The following KANK1 variants were observed in gnomAD, a reference collection of about 807,000 sequenced individuals.
KANK1 encodes KN motif and ankyrin repeat domain-containing protein 1.
KANK1 carries 109 observed loss-of-function variants against 106.2 expected under a neutral mutation model. That is an observed-to-expected ratio of 1.03 (90% CI 0.88 to 1.20). The LOEUF (loss-of-function observed/expected upper bound fraction) is 1.20, where lower values mean the gene tolerates loss of function less well. KANK1 is among the 50% of genes most tolerant of loss of function. The pLI, the probability that KANK1 is intolerant of heterozygous loss-of-function variation, is 0.00. For synonymous variants in KANK1, 873 were observed against 652.2 expected, an observed-to-expected ratio of 1.34 and a Z score of -5.16; for missense variants, 2,399 against 1,710.7, an observed-to-expected ratio of 1.40 and a Z score of -7.10.
chr9:663,822 C>T (rs367663435), intron 1 of KANK1, among the ~76,000 whole-genome samples: 24 of 152,256 alleles, frequency 1.6e-4, no homozygotes, highest in African/African-American at 5.1e-4. Flanking sequence ...CTTGTGTACA[C>T]TCTTGGAAAG....
chr9:740,436 T>C (rs1446318165), intron 8 of KANK1, among the ~76,000 whole-genome samples: 1 of 152,200 alleles, frequency 6.6e-6, no homozygotes, highest in East Asian at 1.9e-4. Flanking sequence ...TGCTTCACTT[T>C]CCTAAACACA....
chr9:712,415 C>T lies in KANK1; in HGVS notation c.1649C>T (p.Ser550Phe). 2 of 1,614,158 alleles carry T rather than the reference C, an allele frequency of 1.2e-6. No homozygotes were observed. Among genetic ancestry groups the T allele is most frequent in the Non-Finnish European group, 1.7e-6 (2 of 1,180,030 alleles). The change falls in exon 3 of 12, where the codon TCC becomes TTC. Residue 550 changes from serine (S) to phenylalanine (F), a missense_variant. Coordinates refer to ENST00000382297, the MANE Select transcript of KANK1 (RefSeq NM_015158.5). ...TSVETNSVGI[S>F]CQPECKNKVV... The stretch of plus-strand genomic sequence containing the variant: ...GTGGAAACAAACAGTGTAGGCATCT[C>T]CTGCCAGCCTGAATGTAAGAATAAA...
At chr9:528,826 G>T (rs562170025) in intron 1 of KANK1, among the ~76,000 whole-genome samples, 2 of 151,904 alleles carry the variant, frequency 1.3e-5, no homozygotes, top group Non-Finnish European at 2.9e-5. Context: ...TTTGAGGCAG[G>T]ATCTTATTTG....
intron 1 of KANK1, among the ~76,000 whole-genome samples, chr9:595,985 A>G (rs184236596): frequency 6.6e-5 from 10 of 152,102 alleles, no homozygotes; most frequent in Non-Finnish European, 1.3e-4. Context: ...ATTTGCATAT[A>G]CATAATGAAA....
intron 1 of KANK1, among the ~76,000 whole-genome samples, chr9:621,179 C>G (rs1220452274): frequency 6.6e-6 from 1 of 152,092 alleles, no homozygotes; most frequent in Non-Finnish European, 1.5e-5. Context: ...GGGGCCTCAC[C>G]TAATAAAGGT....
intron 3 of KANK1, among the ~76,000 whole-genome samples, chr9:720,270 A>T (rs1426542501): frequency 1.3e-5 from 2 of 152,224 alleles, no homozygotes; most frequent in African/African-American, 4.8e-5. Flanking sequence ...AACCGTTGCC[A>T]CCTGGTGAGA....
chr9:654,135 A>G (rs6477082), intron 1 of KANK1, among the ~76,000 whole-genome samples: 58,645 of 151,758 alleles, frequency 0.39, 14,683 homozygotes, highest in African/African-American at 0.68. Context: ...TTTGAAAATG[A>G]CCACATGCAG....
intron 3 of KANK1, among the ~76,000 whole-genome samples, chr9:474,751 C>T (rs1338376429): frequency 2.6e-5 from 4 of 152,116 alleles, no homozygotes; most frequent in Admixed American, 2.6e-4. Flanking sequence ...AGGGGGAGAT[C>T]AGAGGATGAG....
At chr9:728,207 T>C (rs1161054380) in intron 3 of KANK1, among the ~76,000 whole-genome samples, 1 of 152,216 alleles carries the variant, frequency 6.6e-6, no homozygotes, top group Non-Finnish European at 1.5e-5. Context: ...TCTTTTGTTT[T>C]CTTGAGATGG....
At chr9:720,344 G>A (rs1828968455) in intron 3 of KANK1, among the ~76,000 whole-genome samples, 1 of 152,128 alleles carries the variant, frequency 6.6e-6, no homozygotes, top group Non-Finnish European at 1.5e-5. Flanking sequence ...TCCACATGTT[G>A]CTGTCGTTTT....
intron 1 of KANK1, among the ~76,000 whole-genome samples, chr9:532,364 CTTTTTTTTT>C (rs1187078952): frequency 3.7e-5 from 3 of 81,860 alleles, no homozygotes; most frequent in East Asian, 8.7e-4. Context: ...GCCTCAAGCA[CTTTTTTTTT>C]TTTTTTTTTT....
chr9:529,392 G>T (rs192948789), intron 1 of KANK1, among the ~76,000 whole-genome samples: 1 of 151,578 alleles, frequency 6.6e-6, no homozygotes, highest in East Asian at 2.0e-4. Context: ...GTAGAGATGG[G>T]CTTTCACCAT....
intron 1 of KANK1, among the ~76,000 whole-genome samples, chr9:646,149 A>G (rs1839624562): frequency 6.6e-6 from 1 of 150,704 alleles, no homozygotes; most frequent in Non-Finnish European, 1.5e-5. Context: ...TCTTCAGAAA[A>G]TAGGGATTAT....
chr9:710,474 C>T (rs1013947978), intron 2 of KANK1, among the ~76,000 whole-genome samples: 3 of 151,920 alleles, frequency 2.0e-5, no homozygotes, highest in Admixed American at 2.0e-4. Flanking sequence ...AAAAATTAGC[C>T]AGGCGTGGTG....
chr9:615,182 T>G (rs1450058542), intron 1 of KANK1, among the ~76,000 whole-genome samples: 2 of 152,196 alleles, frequency 1.3e-5, no homozygotes, highest in East Asian at 1.9e-4. Context: ...CAAGTCCTCC[T>G]GCATTGGCCT....
At chr9:736,731 A>C (rs889395747) in intron 7 of KANK1, among the ~76,000 whole-genome samples, 1 of 152,110 alleles carries the variant, frequency 6.6e-6, no homozygotes, top group South Asian at 2.1e-4. Context: ...AAGGGGAAAC[A>C]TAGAACTACA....
chr9:512,796 G>A (rs536795328), intron 1 of KANK1, among the ~76,000 whole-genome samples: 1 of 152,132 alleles, frequency 6.6e-6, no homozygotes, highest in Non-Finnish European at 1.5e-5. Context: ...GACAGTGTCT[G>A]TTAACTTCCT....
chr9:725,138 T>C (rs574061257), intron 3 of KANK1, among the ~76,000 whole-genome samples: 2 of 152,116 alleles, frequency 1.3e-5, no homozygotes, highest in Non-Finnish European at 2.9e-5. Context: ...TGCTGTTGAT[T>C]TGGGGACAGG....
At chr9:489,030 T>C (rs907761803) in intron 3 of KANK1, 4 of 152,248 alleles carry the variant, frequency 2.6e-5, no homozygotes, top group Admixed American at 2.0e-4. Context: ...GGATGCTTGA[T>C]CCATTGTTTC....
Sources: allele counts gnomAD v4.1 joint callset (sites outside exome capture counted in the v4.1 genomes callset), GRCh38; gene constraint gnomAD v4.1.1; transcripts MANE v1.5; gene names NCBI Gene and HGNC (gene_info 2026-07-23, HGNC 2026-07-21).